Variants in RFTN1 observed in about 807,000 individuals in gnomAD.
RFTN1 encodes raftlin.
In RFTN1, 26 loss-of-function variants were observed where a neutral mutation model predicts 46.5. The observed-to-expected ratio is 0.56, with a 90% CI of 0.41 to 0.78. RFTN1 has a LOEUF of 0.78. Ranked by LOEUF, RFTN1 falls within the 30% of genes least tolerant of loss-of-function variation. The pLI, the probability that RFTN1 is intolerant of heterozygous loss-of-function variation, is 0.00. For missense variants in RFTN1, 693 were observed against 718.7 expected (o/e 0.96, Z 0.41); for synonymous variants, 261 against 284.2 (o/e 0.92, Z 0.82).
chr3:16,319,489 T>C (rs73142351), intron 9 of RFTN1, among the ~76,000 whole-genome samples: 6,703 of 152,320 alleles, frequency 0.044, 449 homozygotes, highest in African/African-American at 0.15. Flanking sequence ...CAGGGCCCCA[T>C]TCATATTGTA....
At chr3:16,395,320 A>G (rs1438341946) in intron 4 of RFTN1, among the ~76,000 whole-genome samples, 1 of 152,228 alleles carries the variant, frequency 6.6e-6, no homozygotes, top group Non-Finnish European at 1.5e-5. Flanking sequence ...TCAACTTAGA[A>G]ATTATGAAAA....
chr3:16,363,193 C>T (rs977011415), intron 6 of RFTN1, among the ~76,000 whole-genome samples: 2 of 152,192 alleles, frequency 1.3e-5, no homozygotes, highest in Admixed American at 6.5e-5. Flanking sequence ...TTTAAAGAGT[C>T]GCTTGTTTTG....
Position 16,451,108 on chromosome 3 carries a change from C to T in RFTN1, c.146-17071G>A, listed in dbSNP as rs1264528365. 6.6e-6 allele frequency among the ~76,000 whole-genome samples: 1 copy of T among 152,170 alleles called. No homozygotes were observed. Among genetic ancestry groups the T allele is most frequent in the Non-Finnish European group, 1.5e-5 (1 of 68,038 alleles). ...CTCTCATTATGAGAAAACATGCAGACAGAAGATCAGGTCTCCAGCCAAGAA... is the reference window on the plus strand; with the variant it reads ...CTCTCATTATGAGAAAACATGCAGATAGAAGATCAGGTCTCCAGCCAAGAA... On this transcript the variant is annotated intron_variant, in intron 2 of 9. Coordinates refer to ENST00000334133, the MANE Select transcript of RFTN1 (RefSeq NM_015150.2). The surrounding 1 kb of genome is among the most constrained non-coding windows in gnomAD (Gnocchi z 4.2).
At chr3:16,365,770 G>A (rs2073126170) in intron 6 of RFTN1, among the ~76,000 whole-genome samples, 1 of 152,178 alleles carries the variant, frequency 6.6e-6, no homozygotes, top group African/African-American at 2.4e-5. Flanking sequence ...AGGAAATAGA[G>A]GCTGGAGATA....
chr3:16,409,599 C>A (rs1016973815), intron 3 of RFTN1, 116 bp from the exon 4 acceptor site: 1 of 630,000 alleles, frequency 1.6e-6, no homozygotes, highest in Non-Finnish European at 2.8e-6. Context: ...CTCACTGCAA[C>A]CCCCACCTCC....
intron 2 of RFTN1, among the ~76,000 whole-genome samples, chr3:16,490,680 A>C (rs749772547): frequency 3.3e-5 from 5 of 152,262 alleles, no homozygotes; most frequent in Non-Finnish European, 5.9e-5. Flanking sequence ...AAATGTGTAC[A>C]AAGATTTATG....
At chr3:16,411,806 G>A (rs2074985737) in intron 3 of RFTN1, among the ~76,000 whole-genome samples, 1 of 152,074 alleles carries the variant, frequency 6.6e-6, no homozygotes, top group African/African-American at 2.4e-5. Context: ...GCTATATGAG[G>A]TTATTTAGAA....
At chr3:16,461,053 G>A (rs1390529431) in intron 2 of RFTN1, among the ~76,000 whole-genome samples, 1 of 152,236 alleles carries the variant, frequency 6.6e-6, no homozygotes, top group African/African-American at 2.4e-5. Flanking sequence ...GACAATATGG[G>A]CCAGTGCCAG....
chr3:16,456,634 T>C (rs1484931300), intron 2 of RFTN1, among the ~76,000 whole-genome samples: 1 of 152,240 alleles, frequency 6.6e-6, no homozygotes, highest in Non-Finnish European at 1.5e-5. Context: ...AACTTTTGTT[T>C]ATGTGGGTTA....
rs2075731521 is a variant in RFTN1, at chr3:16,446,475, G to A, written c.146-12438C>T. Among the ~76,000 whole-genome samples, 1 of 151,966 alleles carries A rather than the reference G, an allele frequency of 6.6e-6. No homozygotes were observed. The highest frequency in any genetic ancestry group is 1.5e-5 in the Non-Finnish European group (1 of 67,998). On this transcript the variant is annotated intron_variant, in intron 2 of 9. Transcript: ENST00000334133. The surrounding 1 kb of genome is among the most constrained non-coding windows in gnomAD (Gnocchi z 4.5). The stretch of plus-strand genomic sequence containing the variant: ...AGCAGAAGGGACACCTCACTTTCAG[G>A]TCACCAACTATCCTTCTCTGTCTCT...
rs2075018991 is a variant in RFTN1 at position 16,413,821 on chromosome 3, G to C, written c.333-4338C>G. 6.6e-6 allele frequency among the ~76,000 whole-genome samples: 1 copy of C among 152,186 alleles called. No individual in the cohort carries two copies. The highest frequency in any genetic ancestry group is 1.5e-5 in the Non-Finnish European group (1 of 68,036). On this transcript the variant is annotated intron_variant, in intron 3 of 9. Transcript: ENST00000334133. The surrounding 1 kb of genome is among the most constrained non-coding windows in gnomAD (Gnocchi z 4.7). ...AATTCCAATAGATTTATTAGTTAGA[G>C]GCTACCGGTGTTAGAGCTAACTAGA... is the stretch of plus-strand genomic sequence containing the variant.
rs1029681406 is a variant in RFTN1, at chr3:16,499,638, T to C, written c.-8-5761A>G. On this transcript the variant is annotated intron_variant, in intron 1 of 9. Coordinates refer to ENST00000334133, the MANE Select transcript of RFTN1 (RefSeq NM_015150.2). This position sits in a 1 kb window ranked among gnomAD's most constrained non-coding sequence, Gnocchi z 4.9. ...TAAGCTACTGTTGTTGTTTTAAGCT[T>C]CTAAGTTTTGGAGTGGTTCATTTAT... Among the ~76,000 whole-genome samples the C allele has an allele frequency of 2.6e-5, 4 of 152,220 alleles. No individual in the cohort carries two copies. Among genetic ancestry groups the C allele is most frequent in the African/African-American group, 9.7e-5 (4 of 41,448 alleles).
At chr3:16,372,769 C>T (rs535510137) in intron 5 of RFTN1, among the ~76,000 whole-genome samples, 46 of 152,272 alleles carry the variant, frequency 3.0e-4, no homozygotes, top group Admixed American at 2.2e-3. Flanking sequence ...AAAAGGTAGA[C>T]GGTGCTGACA....
intron 4 of RFTN1, among the ~76,000 whole-genome samples, chr3:16,379,648 T>C (rs1433442506): frequency 6.6e-6 from 1 of 152,216 alleles, no homozygotes. Context: ...TCTATGGGCA[T>C]GTATGTGTCC....
At chr3:16,495,224 G>A (rs1023589458) in intron 1 of RFTN1, among the ~76,000 whole-genome samples, 33 of 152,220 alleles carry the variant, frequency 2.2e-4, no homozygotes, top group African/African-American at 7.7e-4. Flanking sequence ...CTGTAGTTCT[G>A]CAGATGAAAC....
At position 16,382,480 on chromosome 3, in the gene RFTN1, G is replaced by A. The variant is rs2074025175; in HGVS notation, c.442-4378C>T. Among the ~76,000 whole-genome samples, 1 of 152,112 alleles carries A rather than the reference G, an allele frequency of 6.6e-6. No individual in the cohort carries two copies. Among genetic ancestry groups the A allele is most frequent in the Non-Finnish European group, 1.5e-5 (1 of 68,034 alleles). On this transcript the variant is annotated intron_variant, in intron 4 of 9. Coordinates refer to ENST00000334133, the MANE Select transcript of RFTN1 (RefSeq NM_015150.2). The surrounding 1 kb of genome is among the most constrained non-coding windows in gnomAD (Gnocchi z 4.7). Reference sequence around the variant, plus strand: ...TGGTGGGCATGCGATGTATTCATCAGGGTTCATCCCCGGCTGCCAGCTCTC... The same window carrying A: ...TGGTGGGCATGCGATGTATTCATCAAGGTTCATCCCCGGCTGCCAGCTCTC...
chr3:16,400,938 G>A lies in RFTN1; in HGVS notation c.441+8437C>T, dbSNP rs2074585155. 6.6e-6 allele frequency among the ~76,000 whole-genome samples: 1 copy of A among 151,866 alleles called. No homozygotes were observed. The highest frequency in any genetic ancestry group is 6.5e-5 in the Admixed American group (1 of 15,276). ...AAGGAGGGGATGCCCATTACCTTGT[G>A]CCCCTCCCACCTCGCCCTGCCTGGA... On this transcript the variant is annotated intron_variant, in intron 4 of 9. Coordinates refer to ENST00000334133, the MANE Select transcript of RFTN1 (RefSeq NM_015150.2). This position sits in a 1 kb window ranked among gnomAD's most constrained non-coding sequence, Gnocchi z 4.5.
chr3:16,501,447 C>A (rs960069351), intron 1 of RFTN1, among the ~76,000 whole-genome samples: 3 of 152,058 alleles, frequency 2.0e-5, no homozygotes, highest in Non-Finnish European at 2.9e-5. Context: ...ATAATGGGGG[C>A]AATAAATGCA....
chr3:16,445,170 T>C (rs2075702722), intron 2 of RFTN1, among the ~76,000 whole-genome samples: 1 of 152,128 alleles, frequency 6.6e-6, no homozygotes, highest in Non-Finnish European at 1.5e-5. Flanking sequence ...GCAGCCAAGC[T>C]CTTAGAGAAA....
Sources: gnomAD v4.1 joint callset for allele counts (sites outside exome capture counted in the v4.1 genomes callset) on GRCh38, gnomAD v4.1.1 for gene constraint, Gnocchi (gnomAD v3.1) non-coding constraint, MANE v1.5 for transcripts, NCBI Gene and HGNC (gene_info 2026-07-23, HGNC 2026-07-21) for gene names.